PHF21A: variants seen among roughly 807,000 people sequenced by gnomAD.
PHF21A encodes the protein PHD finger protein 21A.
In PHF21A, 11 loss-of-function variants were observed where a neutral mutation model predicts 82.5. The ratio of observed to expected loss-of-function variants is 0.13; its 90% CI spans 0.08 to 0.22. The LOEUF (loss-of-function observed/expected upper bound fraction) is 0.22, where lower values mean the gene tolerates loss of function less well. PHF21A is among the 10% of genes least tolerant of loss of function. The pLI is 1.00. For missense variants in PHF21A, 579 were observed against 837.8 expected, an observed-to-expected ratio of 0.69 and a Z score of 3.81; for synonymous variants, 297 against 302.8, an observed-to-expected ratio of 0.98 and a Z score of 0.20.
chr11:45,968,628 T>A (rs1454310141), intron 9 of PHF21A, among the ~76,000 whole-genome samples: 1 of 151,982 alleles, frequency 6.6e-6, no homozygotes, highest in Non-Finnish European at 1.5e-5. Context: ...TCTCTAATAC[T>A]CTTAAAAATA....
At chr11:46,058,808 T>G (rs2096494309) in intron 6 of PHF21A, among the ~76,000 whole-genome samples, 1 of 152,196 alleles carries the variant, frequency 6.6e-6, no homozygotes, top group Non-Finnish European at 1.5e-5. Flanking sequence ...AACAAGCCAG[T>G]GGGTCTGGGA....
At chr11:45,953,320 T>G (rs948431508) in intron 11 of PHF21A, among the ~76,000 whole-genome samples, 1 of 152,264 alleles carries the variant, frequency 6.6e-6, no homozygotes, top group East Asian at 1.9e-4. Context: ...AATGCCTATG[T>G]ACTAGTGCAT....
At chr11:46,049,563 TAGAAAGAGGATAGG>T in intron 6 of PHF21A, 1 of 449,528 alleles carries the variant, frequency 2.2e-6, no homozygotes, top group Non-Finnish European at 4.5e-6. Flanking sequence ...GAAGGAGGGA[TAGAAAGAGGATAGG>T]AGAAAGGAGA....
intron 6 of PHF21A, among the ~76,000 whole-genome samples, chr11:46,007,927 G>C (rs1461184829): frequency 6.6e-6 from 1 of 152,142 alleles, no homozygotes; most frequent in Non-Finnish European, 1.5e-5. Context: ...GTGTTGTTAT[G>C]TTATTTTCAT....
intron 1 of PHF21A, among the ~76,000 whole-genome samples, chr11:46,100,603 T>C (rs759713354): frequency 5.3e-5 from 8 of 152,242 alleles, no homozygotes; most frequent in African/African-American, 1.4e-4. Context: ...CACTAAATGA[T>C]AGATGCCAAA....
At chr11:45,951,853 C>CTGCA (rs1281461449) in intron 11 of PHF21A, among the ~76,000 whole-genome samples, 1 of 146,702 alleles carries the variant, frequency 6.8e-6, no homozygotes, top group African/African-American at 2.5e-5. Flanking sequence ...GTCACCCAGG[C>CTGCA]TGCAATACAG....
At chr11:45,976,478 C>G (rs1324726484) in intron 7 of PHF21A, among the ~76,000 whole-genome samples, 1 of 152,128 alleles carries the variant, frequency 6.6e-6, no homozygotes, top group Non-Finnish European at 1.5e-5. Context: ...TAATGATATA[C>G]CAGACTTTTG....
At chr11:46,080,642 C>T (rs539302016) in intron 4 of PHF21A, among the ~76,000 whole-genome samples, 83 of 152,110 alleles carry the variant, frequency 5.5e-4, no homozygotes, top group African/African-American at 1.9e-3. Context: ...AAGTAGTCAG[C>T]CAGCACATTT....
At chr11:45,948,117 C>T (rs2091560832) in intron 14 of PHF21A, among the ~76,000 whole-genome samples, 1 of 152,202 alleles carries the variant, frequency 6.6e-6, no homozygotes, top group Non-Finnish European at 1.5e-5. Context: ...GGACACATTA[C>T]CATGTGGAGA....
At chr11:46,061,486 T>A (rs2096534287) in intron 6 of PHF21A, among the ~76,000 whole-genome samples, 1 of 152,216 alleles carries the variant, frequency 6.6e-6, no homozygotes, top group Non-Finnish European at 1.5e-5. Flanking sequence ...ACAACTATAC[T>A]TCTTGTACAA....
At chr11:45,951,353 G>A (rs903379766) in intron 11 of PHF21A, among the ~76,000 whole-genome samples, 1 of 152,280 alleles carries the variant, frequency 6.6e-6, no homozygotes, top group Middle Eastern at 3.4e-3. Context: ...CAGCCTATTT[G>A]AAAATAAACT....
chr11:45,934,952 T>C, intron 18 of PHF21A: 1 of 440,428 alleles, frequency 2.3e-6, no homozygotes, highest in Non-Finnish European at 4.4e-6. Context: ...TGCCACCAAG[T>C]ACAAGGCACC....
chr11:46,014,251 G>A (rs1345755633), intron 6 of PHF21A, among the ~76,000 whole-genome samples: 1 of 152,148 alleles, frequency 6.6e-6, no homozygotes, highest in East Asian at 1.9e-4. Flanking sequence ...ACTTATAAAT[G>A]AGAACATATA....
At position 46,044,461 on chromosome 11, in the gene PHF21A, C is replaced by T. The variant is rs148225794; in HGVS notation, c.153+32293G>A. Among the ~76,000 whole-genome samples, 43 of 152,158 alleles carry T rather than the reference C, an allele frequency of 2.8e-4. No individual in the cohort carries two copies. The East Asian group carries it at 5.0e-3, about 18-fold the overall frequency. ...CTTTTTCCCCCTCCCCTTTCCACCC[C>T]CATTTGGATTTCATATCTTATTTTC... On this transcript the variant is annotated intron_variant, in intron 6 of 18. Coordinates refer to ENST00000676320, the MANE Select transcript of PHF21A (RefSeq NM_001352027.3).
intron 7 of PHF21A, 147 bp downstream of exon 7, chr11:45,979,613 T>G: frequency 6.6e-6 from 7 of 1,068,268 alleles, no homozygotes; most frequent in Non-Finnish European, 9.6e-6. Context: ...GATACTTATC[T>G]GGGTTATACT....
chr11:46,113,426 A>T (rs1362692463), intron 1 of PHF21A, among the ~76,000 whole-genome samples: 1 of 152,258 alleles, frequency 6.6e-6, no homozygotes, highest in African/African-American at 2.4e-5. Flanking sequence ...ACAGAAAAAA[A>T]TGCTGAAAAA....
At chr11:45,993,324 T>C (rs888466729) in intron 6 of PHF21A, among the ~76,000 whole-genome samples, 2 of 152,202 alleles carry the variant, frequency 1.3e-5, no homozygotes, top group Non-Finnish European at 2.9e-5. Flanking sequence ...TACACAGCAC[T>C]TTACGATTGT....
At chr11:46,043,457 A>G (rs906127763) in intron 6 of PHF21A, among the ~76,000 whole-genome samples, 3 of 152,130 alleles carry the variant, frequency 2.0e-5, no homozygotes, top group Admixed American at 6.5e-5. Flanking sequence ...AGAAAAGCAA[A>G]CAGAATGGCA....
At chr11:46,033,079 T>C (rs1322931662) in intron 6 of PHF21A, among the ~76,000 whole-genome samples, 1 of 152,234 alleles carries the variant, frequency 6.6e-6, no homozygotes, top group Non-Finnish European at 1.5e-5. Flanking sequence ...AATGTTTTAT[T>C]AGTTTTTATG....
Sources: gnomAD v4.1 joint callset for allele counts (sites outside exome capture counted in the v4.1 genomes callset) on GRCh38, gnomAD v4.1.1 for gene constraint, MANE v1.5 for transcripts, NCBI Gene and HGNC (gene_info 2026-07-23, HGNC 2026-07-21) for gene names.